ZNF532: variants seen among roughly 807,000 people sequenced by gnomAD.
The protein encoded by ZNF532 is zinc finger protein 532.
ZNF532 carries 22 observed loss-of-function variants against 89.3 expected under a neutral mutation model. The ratio of observed to expected loss-of-function variants is 0.25; its 90% confidence interval spans 0.18 to 0.35. The LOEUF (loss-of-function observed/expected upper bound fraction) is 0.35, where lower values mean the gene tolerates loss of function less well. Among genes scored for constraint, ZNF532 ranks in the 10% least tolerant of loss-of-function variants. The pLI is 1.00. For synonymous variants in ZNF532, 606 were observed against 649.6 expected (o/e 0.93, Z 1.02); for missense variants, 1,132 against 1,643.4 (o/e 0.69, Z 5.38).
At chr18:58,906,010 G>T (rs1449268591) in intron 2 of ZNF532, among the ~76,000 whole-genome samples, 1 of 152,152 alleles carries the variant, frequency 6.6e-6, no homozygotes, top group Non-Finnish European at 1.5e-5. Flanking sequence ...GAAGGTCTCG[G>T]AGGCAGTGTG....
intron 2 of ZNF532, among the ~76,000 whole-genome samples, chr18:58,881,766 A>T (rs1333376974): frequency 1.3e-5 from 2 of 152,214 alleles, no homozygotes; most frequent in African/African-American, 4.8e-5. Context: ...TATTGTCAAG[A>T]GCCATGAGGC....
At chr18:58,901,750 G>A (rs1239236360) in intron 2 of ZNF532, among the ~76,000 whole-genome samples, 9 of 152,128 alleles carry the variant, frequency 5.9e-5, no homozygotes. Context: ...ATGGGTACTG[G>A]CCTCTTATCA....
rs756154219 is a variant in ZNF532, at chr18:58,953,584, A to C, written c.2935A>C (p.Ile979Leu). 3.1e-6 allele frequency: 5 copies of C among 1,613,758 alleles called. No individual in the cohort carries two copies. The highest frequency in any genetic ancestry group is 2.5e-6 in the Non-Finnish European group (3 of 1,179,788). ...CTTGGGTATAAACTTGCCTTTGAGC[A>C]TTAAGCCTGCAACTCAAAATTCAGC... ...PNLGINLPLS[I>L]KPATQNSANQ... is the part of the protein sequence containing the mutation. The change falls in exon 7 of 10, where the codon ATT becomes CTT. Residue 979 changes from isoleucine to leucine, a missense_variant. This residue lies in a region of ZNF532 where 415 missense variants were observed against 604.8 expected (regional missense o/e 0.69). Coordinates refer to ENST00000591808, the MANE Select transcript of ZNF532 (RefSeq NM_001375912.1).
intron 5 of ZNF532, among the ~76,000 whole-genome samples, chr18:58,943,565 C>T (rs1414621555): frequency 2.6e-5 from 4 of 151,908 alleles, no homozygotes; most frequent in Admixed American, 2.6e-4. Context: ...CTGGTTCAAG[C>T]GATTCTCCTG....
At chr18:58,899,112 C>T (rs535492073) in intron 2 of ZNF532, among the ~76,000 whole-genome samples, 4 of 152,238 alleles carry the variant, frequency 2.6e-5, no homozygotes, top group Admixed American at 6.5e-5. Flanking sequence ...AAATAGAGTC[C>T]GGACACAGCG....
At chr18:58,918,226 G>T in intron 2 of ZNF532, 45 bp from the exon 3 acceptor site, 1 of 1,535,636 alleles carries the variant, frequency 6.5e-7, no homozygotes, top group South Asian at 1.2e-5. Context: ...CTCATCGTGA[G>T]GAAATACCAA....
chr18:58,907,916 G>T (rs2060037638), intron 2 of ZNF532, among the ~76,000 whole-genome samples: 1 of 152,174 alleles, frequency 6.6e-6, no homozygotes, highest in Admixed American at 6.5e-5. Flanking sequence ...AGTCTGACTA[G>T]GAAGGTTAAT....
intron 2 of ZNF532, among the ~76,000 whole-genome samples, chr18:58,909,184 C>A (rs896714096): frequency 6.6e-6 from 1 of 152,180 alleles, no homozygotes; most frequent in Non-Finnish European, 1.5e-5. Flanking sequence ...AACTCCCAAC[C>A]TCAGGTGATC....
rs1308031527 is a variant in ZNF532 at position 58,919,281 on chromosome 18, C to T, written c.994C>T (p.Pro332Ser). The change falls in exon 3 of 10, where the codon CCG (proline) becomes TCG (serine). Residue 332 changes from proline to serine, a missense_variant. Transcript: ENST00000591808. This position sits in a 1 kb window ranked among gnomAD's most constrained non-coding sequence, Gnocchi z 6.1. ...DGTKKPSLKQ[P>S]DSPRSISSEN... is the part of the protein sequence containing the mutation. ...GACCAAAAAACCATCCCTGAAGCAA[C>T]CGGATAGTCCCAGAAGCATCTCAAG... The T allele has an allele frequency of 9.9e-6, 16 of 1,614,130 alleles. No homozygotes were observed. The highest frequency in any genetic ancestry group is 1.3e-5 in the African/African-American group (1 of 75,036).
intron 2 of ZNF532, among the ~76,000 whole-genome samples, chr18:58,889,129 T>C (rs757430993): frequency 8.6e-5 from 13 of 151,308 alleles, no homozygotes; most frequent in Non-Finnish European, 1.8e-4. Flanking sequence ...ATATTCAGTG[T>C]ACTTCTCCCC....
At chr18:58,883,661 A>G (rs942854852) in intron 2 of ZNF532, among the ~76,000 whole-genome samples, 1 of 152,214 alleles carries the variant, frequency 6.6e-6, no homozygotes, top group African/African-American at 2.4e-5. Context: ...TTTTAACCTC[A>G]GCACCGTTAG....
intron 2 of ZNF532, among the ~76,000 whole-genome samples, chr18:58,899,213 C>T (rs17761434): frequency 0.036 from 5,480 of 152,260 alleles, 100 homozygotes; most frequent in East Asian, 0.056. Flanking sequence ...TTGTATTGGG[C>T]CAGCAGAGGT....
rs755389157 is a variant in ZNF532 at position 58,984,239 on chromosome 18, A to G, written c.3679A>G (p.Lys1227Glu). Residue 1227 changes from lysine (K) to glutamate (E), a missense_variant, in exon 10 of 10, where the codon AAG (lysine) becomes GAG (glutamate). Transcript: ENST00000591808. ...GTCCAGGCACCTCTTCATCGTACAC[A>G]AGTTAAAGGAACCTCAGCCAGTGTC... ...SLSRHLFIVH[K>E]LKEPQPVSKQ... 3.7e-6 allele frequency: 6 copies of G among 1,611,910 alleles called. No homozygotes were observed. Among genetic ancestry groups the G allele is most frequent in the South Asian group, 1.1e-5 (1 of 90,982 alleles).
intron 7 of ZNF532, among the ~76,000 whole-genome samples, chr18:58,960,972 C>T (rs1373476756): frequency 3.9e-5 from 6 of 152,202 alleles, no homozygotes; most frequent in East Asian, 3.8e-4. Context: ...AAAAAGTATT[C>T]TGTCTTTATT....
At chr18:58,876,618 A>G (rs555732976) in intron 2 of ZNF532, among the ~76,000 whole-genome samples, 1 of 152,238 alleles carries the variant, frequency 6.6e-6, no homozygotes, top group Non-Finnish European at 1.5e-5. Context: ...TTTCTGCATT[A>G]CTCCACCTTT....
chr18:58,907,516 T>G (rs2060007850), intron 2 of ZNF532, among the ~76,000 whole-genome samples: 1 of 151,574 alleles, frequency 6.6e-6, no homozygotes, highest in Admixed American at 6.6e-5. Context: ...TTTTTTGAGA[T>G]GGAGTTTCAC....
At chr18:58,872,300 G>C (rs1309137487) in intron 2 of ZNF532, among the ~76,000 whole-genome samples, 1 of 152,154 alleles carries the variant, frequency 6.6e-6, no homozygotes, top group Non-Finnish European at 1.5e-5. Context: ...GATAAAATCA[G>C]GGTGTTGTGG....
At chr18:58,893,864 T>C (rs902859974) in intron 2 of ZNF532, among the ~76,000 whole-genome samples, 4 of 152,158 alleles carry the variant, frequency 2.6e-5, no homozygotes, top group Admixed American at 6.5e-5. Context: ...GGGGGTAGAA[T>C]GGTGACTCGT....
intron 2 of ZNF532, among the ~76,000 whole-genome samples, chr18:58,893,458 C>A (rs1226650874): frequency 6.6e-6 from 1 of 151,930 alleles, no homozygotes; most frequent in Non-Finnish European, 1.5e-5. Context: ...CTTGCCCAGC[C>A]TGGGCAACAT....
Sources: gnomAD v4.1 joint callset for allele counts (sites outside exome capture counted in the v4.1 genomes callset) on GRCh38, gnomAD v4.1.1 for gene constraint, gnomAD v4.1.1 regional missense constraint, Gnocchi (gnomAD v3.1) non-coding constraint, MANE v1.5 for transcripts, NCBI Gene and HGNC (gene_info 2026-07-23, HGNC 2026-07-21) for gene names.